The following CCSER1 variants were observed in gnomAD, a reference collection of about 807,000 sequenced individuals.
CCSER1 encodes coiled-coil serine rich protein 1.
In CCSER1, 41 loss-of-function variants were observed where a neutral mutation model predicts 82.0. The ratio of observed to expected loss-of-function variants is 0.50; its 90% CI spans 0.39 to 0.65. CCSER1 has a LOEUF of 0.65. Among genes scored for constraint, CCSER1 ranks in the 30% least tolerant of loss-of-function variants. CCSER1 has a pLI of 0.00. For missense variants in CCSER1, 1,119 were observed against 1,064.2 expected (o/e 1.05, Z -0.72); for synonymous variants, 414 against 383.9 (o/e 1.08, Z -0.92).
rs560926864 is a variant in CCSER1 at position 90,490,587 on chromosome 4, G to A, written c.1724+22233G>A. Among the ~76,000 whole-genome samples, 20 of 152,168 alleles carry A rather than the reference G, an allele frequency of 1.3e-4. 1 individual carries two copies. The South Asian group carries it at 4.1e-3, about 32-fold the overall frequency. ...ATTGCTTTTGGTGTTTATACATGAA[G>A]TCCTTGCCCATGCCTATGTCCTGAA... On this transcript the variant is annotated intron_variant, in intron 5 of 10. Coordinates refer to ENST00000509176, the MANE Select transcript of CCSER1 (RefSeq NM_001145065.2).
intron 10 of CCSER1, among the ~76,000 whole-genome samples, chr4:91,341,797 G>A (rs1048410543): frequency 3.9e-5 from 6 of 152,162 alleles, no homozygotes; most frequent in South Asian, 4.1e-4. Context: ...TCGGTCTTCC[G>A]AAGTGCTGGG....
intron 10 of CCSER1, among the ~76,000 whole-genome samples, chr4:91,172,011 C>A (rs1732815103): frequency 6.6e-6 from 1 of 151,938 alleles, no homozygotes; most frequent in African/African-American, 2.4e-5. Flanking sequence ...TAAAAAAAAT[C>A]CTATTATTCA....
At chr4:90,995,796 C>A (rs1737442778) in intron 9 of CCSER1, among the ~76,000 whole-genome samples, 1 of 151,974 alleles carries the variant, frequency 6.6e-6, no homozygotes, top group Non-Finnish European at 1.5e-5. Flanking sequence ...TTTTTAGAAC[C>A]ATAAAAGATC....
At chr4:90,820,981 T>C (rs898362658) in intron 8 of CCSER1, among the ~76,000 whole-genome samples, 5 of 152,118 alleles carry the variant, frequency 3.3e-5, no homozygotes, top group African/African-American at 9.7e-5. Context: ...GACTACTTCT[T>C]TGGAAAATAA....
chr4:91,063,097 A>G (rs777920908), intron 9 of CCSER1, among the ~76,000 whole-genome samples: 3 of 152,108 alleles, frequency 2.0e-5, no homozygotes, highest in Admixed American at 6.6e-5. Flanking sequence ...GAAAAGTTAC[A>G]TTCAAGTAAA....
In CCSER1 at chr4:91,525,230, T is replaced by A. The variant is rs527903849; in HGVS notation, c.2218-73342T>A. Among the ~76,000 whole-genome samples, 6 of 152,232 alleles carry A rather than the reference T, an allele frequency of 3.9e-5. No homozygotes were observed. The South Asian group carries it at 1.0e-3, about 26-fold the overall frequency. ...AAGTCTAAGAGGGGAGGCAGTATAT[T>A]TTTGGAGATACAAGAAAGGCTTCTC... On this transcript the variant is annotated intron_variant, in intron 10 of 10. Coordinates refer to ENST00000509176, the MANE Select transcript of CCSER1 (RefSeq NM_001145065.2).
At chr4:91,590,113 G>A (rs1031396639) in intron 10 of CCSER1, among the ~76,000 whole-genome samples, 6 of 151,960 alleles carry the variant, frequency 3.9e-5, no homozygotes, top group Non-Finnish European at 5.9e-5. Flanking sequence ...GAGCTCTGCT[G>A]GCCTTATTAG....
At position 91,350,428 on chromosome 4, in the gene CCSER1, GACTA is replaced by G. The variant is rs918617470; in HGVS notation, c.2218-248141_2218-248138del. Among the ~76,000 whole-genome samples the G allele has an allele frequency of 2.1e-4, 32 of 152,002 alleles. 3 individuals carry two copies. On this transcript the variant is annotated intron_variant, in intron 10 of 10. Coordinates refer to ENST00000509176, the MANE Select transcript of CCSER1 (RefSeq NM_001145065.2). ...TTATTGTTATTAAAAATAGTTTGAA[GACTA>G]ACATATCAAAGTTCCTCTTTTTAGT... is the stretch of plus-strand genomic sequence containing the variant.
intron 10 of CCSER1, among the ~76,000 whole-genome samples, chr4:91,107,737 A>G (rs775627707): frequency 6.6e-6 from 1 of 151,752 alleles, no homozygotes; most frequent in Non-Finnish European, 1.5e-5. Flanking sequence ...GTAATATAAT[A>G]GAAGATTCTC....
chr4:91,060,574 A>G (rs1289368552), intron 9 of CCSER1, among the ~76,000 whole-genome samples: 4 of 152,068 alleles, frequency 2.6e-5, no homozygotes, highest in Non-Finnish European at 5.9e-5. Flanking sequence ...TAACCTCTCC[A>G]GCTTTTTCCA....
intron 1 of CCSER1, among the ~76,000 whole-genome samples, chr4:90,134,543 C>A (rs1201690353): frequency 6.6e-6 from 1 of 152,162 alleles, no homozygotes; most frequent in Non-Finnish European, 1.5e-5. Context: ...TAAGATGTAA[C>A]CAAGTATAAT....
chr4:91,022,770 G>A (rs1199470037), intron 9 of CCSER1, among the ~76,000 whole-genome samples: 1 of 152,152 alleles, frequency 6.6e-6, no homozygotes, highest in African/African-American at 2.4e-5. Flanking sequence ...GTGATGATGA[G>A]CATTTTTTCA....
intron 1 of CCSER1, among the ~76,000 whole-genome samples, chr4:90,244,618 C>T (rs1398678476): frequency 1.3e-5 from 2 of 152,108 alleles, no homozygotes; most frequent in African/African-American, 2.4e-5. Context: ...ACCTTCTTCA[C>T]GTGGTGGCAG....
intron 8 of CCSER1, among the ~76,000 whole-genome samples, chr4:90,819,920 G>T: frequency 6.6e-6 from 1 of 152,146 alleles, no homozygotes; most frequent in Non-Finnish European, 1.5e-5. Context: ...TATGTGCTAG[G>T]GAAACTAATT....
chr4:90,472,180 G>A (rs746166981), intron 5 of CCSER1, among the ~76,000 whole-genome samples: 3 of 152,060 alleles, frequency 2.0e-5, no homozygotes, highest in African/African-American at 7.2e-5. Flanking sequence ...GATTCATAGA[G>A]TCATCTGATT....
chr4:91,126,114 G>A (rs1471477482), intron 10 of CCSER1, among the ~76,000 whole-genome samples: 1 of 151,616 alleles, frequency 6.6e-6, no homozygotes, highest in South Asian at 2.1e-4. Flanking sequence ...TAAATTTTTT[G>A]TATATAAAGT....
intron 10 of CCSER1, among the ~76,000 whole-genome samples, chr4:91,387,142 G>T (rs1272847580): frequency 6.6e-6 from 1 of 151,958 alleles, no homozygotes; most frequent in Non-Finnish European, 1.5e-5. Context: ...CTGTGATTCT[G>T]CAAGAGGATG....
At chr4:90,893,311 G>A (rs2150121161) in intron 8 of CCSER1, among the ~76,000 whole-genome samples, 1 of 152,170 alleles carries the variant, frequency 6.6e-6, no homozygotes, top group East Asian at 1.9e-4. Context: ...GTAAGGAAAG[G>A]ACAGTTTTAC....
intron 10 of CCSER1, among the ~76,000 whole-genome samples, chr4:91,560,900 G>T (rs1271789556): frequency 2.6e-5 from 4 of 151,234 alleles, no homozygotes; most frequent in Non-Finnish European, 5.9e-5. Flanking sequence ...CTATCCAGTA[G>T]ACATCATAGA....
Sources: allele counts gnomAD v4.1 joint callset (sites outside exome capture counted in the v4.1 genomes callset), GRCh38; gene constraint gnomAD v4.1.1; transcripts MANE v1.5; gene names NCBI Gene and HGNC (gene_info 2026-07-23, HGNC 2026-07-21).